SPDYE10: variants seen among roughly 807,000 people sequenced by gnomAD.
SPDYE10 encodes speedy protein E10.
At chr7:73,132,546 C>CAAA in the SPDYE10 span, among the ~76,000 whole-genome samples, 27 of 59,458 alleles carry the variant, frequency 4.5e-4, no homozygotes, top group South Asian at 8.5e-4. Context: ...GACCCTGTCT[C>CAAA]AAAAAAAAAA....
At chr7:73,120,416 G>T in the SPDYE10 span, among the ~76,000 whole-genome samples, 2 of 18,502 alleles carry the variant, frequency 1.1e-4, no homozygotes, top group Non-Finnish European at 2.2e-4. Context: ...CTTCTGGGCA[G>T]CTCTGCTCTC....
At chr7:73,123,826 T>TCTCG in the SPDYE10 span, among the ~76,000 whole-genome samples, 1 of 151,050 alleles carries the variant, frequency 6.6e-6, no homozygotes. Flanking sequence ...TCTCTCTCTC[T>TCTCG]CTGGCTGGAG....
chr7:73,107,172 C>T, the SPDYE10 span, among the ~76,000 whole-genome samples: 7 of 128 alleles, frequency 0.055, no homozygotes, highest in Admixed American at 0.12. Context: ...ATACGCCAGA[C>T]GTGGTGGCTC....
chr7:73,131,039 C>CA, the SPDYE10 span, among the ~76,000 whole-genome samples: 4 of 91,918 alleles, frequency 4.4e-5, no homozygotes, highest in Non-Finnish European at 7.9e-5. Flanking sequence ...CCCACCTCCA[C>CA]AAAAAATAAA....
At chr7:73,152,020 T>G in the SPDYE10 span, among the ~76,000 whole-genome samples, 2 of 150,934 alleles carry the variant, frequency 1.3e-5, no homozygotes, top group East Asian at 1.9e-4. Context: ...TTTTTTGTGT[T>G]TTTTTTTTTT....
chr7:73,147,780 C>A, the SPDYE10 span, among the ~76,000 whole-genome samples: 1 of 150,300 alleles, frequency 6.7e-6, no homozygotes, highest in Non-Finnish European at 1.5e-5. Flanking sequence ...CAGGCATAAG[C>A]CACCATACCT....
the SPDYE10 span, among the ~76,000 whole-genome samples, chr7:73,126,745 A>G: frequency 6.8e-6 from 1 of 147,558 alleles, no homozygotes; most frequent in African/African-American, 2.5e-5. Context: ...TGGTGCAATC[A>G]TAGCTCACTG....
chr7:73,143,863 AT>A, the SPDYE10 span, among the ~76,000 whole-genome samples: 2 of 148,308 alleles, frequency 1.3e-5, no homozygotes, highest in African/African-American at 2.5e-5. Context: ...CGCCTGGCTA[AT>A]TTTTGTATTT....
At chr7:73,115,189 C>T in the SPDYE10 span, among the ~76,000 whole-genome samples, 5,851 of 149,144 alleles carry the variant, frequency 0.039, no homozygotes, top group Non-Finnish European at 0.054. Flanking sequence ...AGCCACCACA[C>T]CTGGACTGTT....
the SPDYE10 span, among the ~76,000 whole-genome samples, chr7:73,123,788 C>CCTCCCTCTCT: frequency 2.1e-5 from 2 of 97,458 alleles, no homozygotes; most frequent in African/African-American, 5.1e-5. Flanking sequence ...TCTCTCTCTC[C>CCTCCCTCTCT]CTCTCTCTCT....
At chr7:73,121,003 T>C in the SPDYE10 span, among the ~76,000 whole-genome samples, 5 of 150,312 alleles carry the variant, frequency 3.3e-5, no homozygotes, top group African/African-American at 1.2e-4. Flanking sequence ...TTAGTAGAGA[T>C]GGGGTTTCAC....
chr7:73,143,019 G>A, the SPDYE10 span, among the ~76,000 whole-genome samples: 1 of 148,706 alleles, frequency 6.7e-6, no homozygotes, highest in Non-Finnish European at 1.5e-5. Context: ...AGGAAGGAAG[G>A]AAGGAAGGAA....
chr7:73,150,907 A>AAAT, the SPDYE10 span, among the ~76,000 whole-genome samples: 1 of 11,576 alleles, frequency 8.6e-5, no homozygotes, highest in Non-Finnish European at 1.4e-4. Context: ...AAAAAAAAAA[A>AAAT]ATATATATAT....
chr7:73,114,930 G>A, the SPDYE10 span, among the ~76,000 whole-genome samples: 73 of 143,406 alleles, frequency 5.1e-4, no homozygotes, highest in Middle Eastern at 4.3e-3. Flanking sequence ...TTTTTGAGAC[G>A]GAGTCTCGCT....
the SPDYE10 span, among the ~76,000 whole-genome samples, chr7:73,126,482 G>A: frequency 8.4e-6 from 1 of 118,504 alleles, no homozygotes; most frequent in Non-Finnish European, 1.7e-5. Flanking sequence ...ACTCCAGACT[G>A]GATGACAGAG....
At chr7:73,141,479 A>AGAC in the SPDYE10 span, among the ~76,000 whole-genome samples, 1 of 141,944 alleles carries the variant, frequency 7.0e-6, no homozygotes, top group African/African-American at 2.7e-5. Context: ...TGACAGAGTG[A>AGAC]GACTGTCTCA....
the SPDYE10 span, among the ~76,000 whole-genome samples, chr7:73,120,675 C>T: frequency 0.24 from 21,193 of 88,808 alleles, no homozygotes; most frequent in East Asian, 0.48. Flanking sequence ...GTAGTCCCAG[C>T]TATTCAGGAG....
chr7:73,115,140 C>T, the SPDYE10 span, among the ~76,000 whole-genome samples: 14 of 151,822 alleles, frequency 9.2e-5, no homozygotes, highest in Non-Finnish European at 2.9e-5. Flanking sequence ...AGATGAACCA[C>T]CCGCCTCAGC....
At chr7:73,144,434 CCT>C in the SPDYE10 span, among the ~76,000 whole-genome samples, 1 of 151,880 alleles carries the variant, frequency 6.6e-6, no homozygotes, top group Non-Finnish European at 1.5e-5. Context: ...TCTCACAGGC[CCT>C]GTCTGAATTA....
Sources: allele counts gnomAD v4.1 joint callset (sites outside exome capture counted in the v4.1 genomes callset), GRCh38; gene constraint gnomAD v4.1.1; transcripts MANE v1.5; gene names NCBI Gene and HGNC (gene_info 2026-07-23, HGNC 2026-07-21).